The following LAMB4 variants were observed in gnomAD, a reference collection of about 807,000 sequenced individuals.
LAMB4 encodes laminin subunit beta 4, also known as laminin subunit beta-4.
A neutral mutation model predicts 199.2 loss-of-function variants in LAMB4; 196 were observed. The observed-to-expected ratio is 0.98, with a 90% CI of 0.88 to 1.11. LAMB4 has a LOEUF of 1.11. LAMB4 is among the 50% of genes least tolerant of loss of function. The pLI is 0.00. For missense variants in LAMB4, 2,080 were observed against 2,171.2 expected, an observed-to-expected ratio of 0.96 and a Z score of 0.83; for synonymous variants, 744 against 770.6, an observed-to-expected ratio of 0.97 and a Z score of 0.57.
In LAMB4 at chr7:108,104,564, C is replaced by A. The variant is rs1329913219; in HGVS notation, c.926G>T (p.Cys309Phe). 11 of 1,614,090 alleles carry A rather than the reference C, an allele frequency of 6.8e-6. No homozygotes were observed. The highest frequency in any genetic ancestry group is 9.3e-6 in the Non-Finnish European group (11 of 1,180,028). ...AGGAGCATCCTGGAAGAAGTCCTTG[C>A]ATCTCTCACAGTTCGGACCATCTGT... ...HNTDGPNCER[C>F]KDFFQDAPWR... The change falls in exon 9 of 34, where the codon TGC (cysteine) becomes TTC (phenylalanine). Residue 309 changes from cysteine to phenylalanine, a missense_variant. Transcript: ENST00000388781.
intron 9 of LAMB4, 60 bp from the exon 10 acceptor site, chr7:108,103,292 C>A: frequency 7.2e-7 from 1 of 1,395,752 alleles, no homozygotes; most frequent in Non-Finnish European, 9.7e-7. Context: ...ACAGCCAGTG[C>A]CCCCGCACTG....
At chr7:108,053,293 C>T (rs937721721) in intron 25 of LAMB4, among the ~76,000 whole-genome samples, 1 of 152,150 alleles carries the variant, frequency 6.6e-6, no homozygotes, top group Non-Finnish European at 1.5e-5. Context: ...TGGATTTAAA[C>T]CGGGTAGTTT....
chr7:108,076,350 G>A lies in LAMB4; in HGVS notation c.2124+594C>T, dbSNP rs926649833. Among the ~76,000 whole-genome samples, 4 of 152,232 alleles carry A rather than the reference G, an allele frequency of 2.6e-5. No individual in the cohort carries two copies. In the South Asian group the frequency reaches 6.2e-4, roughly 24 times the overall value. On this transcript the variant is annotated intron_variant, in intron 17 of 33. Coordinates refer to ENST00000388781, the MANE Select transcript of LAMB4 (RefSeq NM_007356.3). ...CCCACTCTGTGGGGGAAAGATGTTG[G>A]AAGAAGTCACTCAGGAAATATTATG...
At chr7:108,086,346 G>A (rs1338181578) in intron 14 of LAMB4, among the ~76,000 whole-genome samples, 1 of 151,932 alleles carries the variant, frequency 6.6e-6, no homozygotes, top group Non-Finnish European at 1.5e-5. Flanking sequence ...GGCTTTTCTT[G>A]ACATACATTC....
At chr7:108,086,426 C>T (rs2037178638) in intron 14 of LAMB4, among the ~76,000 whole-genome samples, 1 of 152,170 alleles carries the variant, frequency 6.6e-6, no homozygotes, top group East Asian at 1.9e-4. Flanking sequence ...AAGACAGTGA[C>T]ACTGTACACA....
intron 27 of LAMB4, among the ~76,000 whole-genome samples, chr7:108,048,836 G>T (rs1449379165): frequency 1.3e-5 from 2 of 152,070 alleles, no homozygotes; most frequent in East Asian, 3.9e-4. Context: ...GAGATTACAG[G>T]TGCACGCCAC....
intron 17 of LAMB4, among the ~76,000 whole-genome samples, chr7:108,072,368 A>G (rs2036562310): frequency 6.6e-6 from 1 of 152,024 alleles, no homozygotes; most frequent in African/African-American, 2.4e-5. Flanking sequence ...TGATTTATTT[A>G]TCCATACTTT....
At chr7:108,066,624 G>C (rs1414524812) in intron 19 of LAMB4, 24 bp from the exon 20 acceptor site, 2 of 1,475,492 alleles carry the variant, frequency 1.4e-6, no homozygotes, top group East Asian at 2.4e-5. Flanking sequence ...AGAGAAGTAT[G>C]CTGGAGCGGG....
intron 17 of LAMB4, 29 bp from the exon 18 acceptor site, chr7:108,069,914 A>G: frequency 1.3e-6 from 2 of 1,580,648 alleles, no homozygotes; most frequent in Non-Finnish European, 1.7e-6. Context: ...AAGACTTAAC[A>G]TTCAAACTAT....
At chr7:108,096,764 T>C (rs1275971907) in intron 11 of LAMB4, among the ~76,000 whole-genome samples, 8 of 136,150 alleles carry the variant, frequency 5.9e-5, no homozygotes, top group African/African-American at 2.2e-4. Flanking sequence ...AGACTCCGTC[T>C]CTCAAAAAAA....
At chr7:108,124,823 T>G (rs1466780796) in intron 1 of LAMB4, among the ~76,000 whole-genome samples, 1 of 152,344 alleles carries the variant, frequency 6.6e-6, no homozygotes, top group East Asian at 1.9e-4. Flanking sequence ...TCCCTGCACA[T>G]GCACAGTCCC....
At chr7:108,116,313 G>A (rs970571761) in intron 2 of LAMB4, 152 bp from the exon 3 acceptor site, 15 of 711,518 alleles carry the variant, frequency 2.1e-5, no homozygotes, top group Non-Finnish European at 3.0e-5. Flanking sequence ...ATGACAAATG[G>A]TCCCTACTTT....
intron 2 of LAMB4, among the ~76,000 whole-genome samples, chr7:108,122,343 C>A (rs2038630392): frequency 6.6e-6 from 1 of 152,118 alleles, no homozygotes; most frequent in Non-Finnish European, 1.5e-5. Flanking sequence ...GAACTGAGGG[C>A]TCCAGATGAA....
intron 18 of LAMB4, 84 bp from the exon 19 acceptor site, chr7:108,068,243 T>C: frequency 7.0e-7 from 1 of 1,420,084 alleles, no homozygotes; most frequent in Non-Finnish European, 9.7e-7. Context: ...AGTTCACCTC[T>C]CTCTCATTTA....
At chr7:108,040,716 G>A (rs1386812378) in intron 29 of LAMB4, among the ~76,000 whole-genome samples, 1 of 152,118 alleles carries the variant, frequency 6.6e-6, no homozygotes, top group Non-Finnish European at 1.5e-5. Context: ...TATGCAGAAC[G>A]CTGAAACTGG....
chr7:108,027,104 C>T (rs556610587), intron 33 of LAMB4, among the ~76,000 whole-genome samples: 1 of 152,172 alleles, frequency 6.6e-6, no homozygotes, highest in Non-Finnish European at 1.5e-5. Flanking sequence ...ATATTCTCCC[C>T]ATGTTTTTAC....
chr7:108,041,317 C>T lies in LAMB4; in HGVS notation c.4471+2435G>A, dbSNP rs193167083. On this transcript the variant is annotated intron_variant, in intron 29 of 33. Coordinates refer to ENST00000388781, the MANE Select transcript of LAMB4 (RefSeq NM_007356.3). ...TTGGTGGGGGTGTAAATTAATTCAA[C>T]CATTGTGGAAAACAGTGTGGTGATT... is the stretch of plus-strand genomic sequence containing the variant. 3.2e-3 allele frequency among the ~76,000 whole-genome samples: 491 copies of T among 152,278 alleles called. 5 individuals carry two copies. Among genetic ancestry groups the T allele is most frequent in the Non-Finnish European group, 3.0e-3 (205 of 68,030 alleles).
chr7:108,108,249 A>G (rs957602041), intron 5 of LAMB4, among the ~76,000 whole-genome samples: 2 of 152,172 alleles, frequency 1.3e-5, no homozygotes, highest in South Asian at 2.1e-4. Context: ...TTTAAAATCT[A>G]CTACACAATA....
At chr7:108,026,255 C>T (rs905265417) in intron 33 of LAMB4, among the ~76,000 whole-genome samples, 54 of 152,184 alleles carry the variant, frequency 3.5e-4, no homozygotes, top group Admixed American at 3.3e-4. Context: ...TCTACTTACC[C>T]TGTTCCTACC....
Sources: gnomAD v4.1 joint callset for allele counts (sites outside exome capture counted in the v4.1 genomes callset) on GRCh38, gnomAD v4.1.1 for gene constraint, MANE v1.5 for transcripts, NCBI Gene and HGNC (gene_info 2026-07-23, HGNC 2026-07-21) for gene names.